Variants in TNRC6C observed in about 807,000 individuals in gnomAD.
TNRC6C encodes trinucleotide repeat containing adaptor 6C, also known as trinucleotide repeat-containing gene 6C protein.
In TNRC6C, 20 loss-of-function variants were observed where a neutral mutation model predicts 153.7. That is an observed-to-expected ratio of 0.13 (90% CI 0.09 to 0.19). The LOEUF is 0.19. TNRC6C is among the 10% of genes least tolerant of loss of function. TNRC6C has a pLI of 1.00. For synonymous variants in TNRC6C, 811 were observed against 841.4 expected (o/e 0.96, Z 0.63); for missense variants, 1,987 against 2,172.0 (o/e 0.91, Z 1.69).
At chr17:78,052,121 AAG>A (rs1419645428) in intron 3 of TNRC6C, among the ~76,000 whole-genome samples, 6 of 152,218 alleles carry the variant, frequency 3.9e-5, no homozygotes, top group Non-Finnish European at 7.3e-5. Flanking sequence ...AGGAGCAGGA[AAG>A]AGCGCTGCAC....
chr17:78,036,921 T>TA (rs879837370), intron 2 of TNRC6C, among the ~76,000 whole-genome samples: 2,808 of 140,346 alleles, frequency 0.02, 82 homozygotes, highest in African/African-American at 0.065. Context: ...AAGATTCCAT[T>TA]AAAAAAAAAA....
At chr17:77,965,484 A>G (rs1007585641) in intron 1 of TNRC6C, among the ~76,000 whole-genome samples, 2 of 152,250 alleles carry the variant, frequency 1.3e-5, no homozygotes, top group South Asian at 2.1e-4. Flanking sequence ...AAATGTGTCT[A>G]GGTCCTTGGA....
At chr17:77,959,534 G>T (rs1340604643) in intron 1 of TNRC6C, among the ~76,000 whole-genome samples, 1 of 152,186 alleles carries the variant, frequency 6.6e-6, no homozygotes, top group African/African-American at 2.4e-5. Context: ...GCTGAAGATG[G>T]ATGTGCCCCC....
chr17:77,957,774 C>G (rs898212925), upstream of TNRC6C, among the ~76,000 whole-genome samples: 1 of 152,236 alleles, frequency 6.6e-6, no homozygotes, highest in Non-Finnish European at 1.5e-5. Flanking sequence ...GCACATTGCG[C>G]CTGACCTTAC....
intron 1 of TNRC6C, among the ~76,000 whole-genome samples, chr17:77,976,108 G>T (rs2070994214): frequency 6.6e-6 from 1 of 152,174 alleles, no homozygotes; most frequent in South Asian, 2.1e-4. Flanking sequence ...AATTAAATGA[G>T]ATAGTATGTA....
At chr17:78,055,299 A>ATCACTGTC in intron 3 of TNRC6C, among the ~76,000 whole-genome samples, 1 of 152,214 alleles carries the variant, frequency 6.6e-6, no homozygotes, top group Non-Finnish European at 1.5e-5. Flanking sequence ...CGGGATCTTC[A>ATCACTGTC]GTATCACTGT....
At chr17:78,002,716 G>A (rs988273896), upstream of TNRC6C, among the ~76,000 whole-genome samples, 1 of 152,096 alleles carries the variant, frequency 6.6e-6, no homozygotes, top group Non-Finnish European at 1.5e-5. Flanking sequence ...AACATAGCAC[G>A]CCATCTCTGT....
intron 14 of TNRC6C, among the ~76,000 whole-genome samples, chr17:78,091,900 AC>A (rs1376556938): frequency 1.3e-5 from 2 of 152,342 alleles, no homozygotes; most frequent in African/African-American, 4.8e-5. Context: ...ATATTCATCA[AC>A]AAAAACTTGA....
At chr17:78,106,713 C>G (rs2073703705) in exon 20 of TNRC6C, 1 of 151,700 alleles carries the variant, frequency 6.6e-6, no homozygotes, top group Admixed American at 6.6e-5. Context: ...TAAAAATGAT[C>G]AATGTTTTGA....
At chr17:78,082,924 G>C in intron 10 of TNRC6C, 123 bp from the exon 13 acceptor site, 1 of 1,117,202 alleles carries the variant, frequency 9.0e-7, no homozygotes, top group Non-Finnish European at 1.3e-6. Context: ...TTCCATAGCA[G>C]TAGTTTCAGG....
At chr17:77,968,108 C>T (rs2144048396) in intron 1 of TNRC6C, among the ~76,000 whole-genome samples, 1 of 152,342 alleles carries the variant, frequency 6.6e-6, no homozygotes, top group East Asian at 1.9e-4. Flanking sequence ...GTCTCAGCTA[C>T]TGCAACCTCT....
chr17:78,093,146 G>A, intron 15 of TNRC6C, 22 bp downstream of exon 17: 1 of 1,609,236 alleles, frequency 6.2e-7, no homozygotes, highest in South Asian at 1.1e-5. Flanking sequence ...CAACACTTCT[G>A]TGCAACAGCA....
upstream of TNRC6C, among the ~76,000 whole-genome samples, chr17:77,958,646 G>T (rs1412371793): frequency 6.6e-6 from 1 of 152,048 alleles, no homozygotes; most frequent in Non-Finnish European, 1.5e-5. Context: ...AACGCGGGGC[G>T]GGGAAGGGGG....
chr17:78,086,408 C>G, intron 11 of TNRC6C, 95 bp from the exon 14 acceptor site: 18 of 854,134 alleles, frequency 2.1e-5, no homozygotes, highest in East Asian at 1.0e-4. Context: ...GCTAGGTTCT[C>G]TTTTTTTATT....
chr17:78,020,773 G>A (rs9905805), intron 1 of TNRC6C, among the ~76,000 whole-genome samples: 9,706 of 152,060 alleles, frequency 0.064, 784 homozygotes, highest in African/African-American at 0.19. Flanking sequence ...TTTTTTTGGT[G>A]CTAAGTCTTT....
intron 1 of TNRC6C, among the ~76,000 whole-genome samples, chr17:77,988,300 GC>G (rs1352347817): frequency 6.6e-6 from 1 of 152,150 alleles, no homozygotes; most frequent in Non-Finnish European, 1.5e-5. Flanking sequence ...AGTCACTTGA[GC>G]CCAGGAGGTC....
chr17:78,009,066 G>A (rs2071574356), intron 1 of TNRC6C, among the ~76,000 whole-genome samples: 2 of 152,078 alleles, frequency 1.3e-5, no homozygotes, highest in Non-Finnish European at 1.5e-5. Flanking sequence ...AGAGACAGCC[G>A]AACACAATTA....
intron 3 of TNRC6C, among the ~76,000 whole-genome samples, chr17:78,057,079 G>A (rs28607457): frequency 0.22 from 34,111 of 152,032 alleles, 4,004 homozygotes; most frequent in African/African-American, 0.27. Flanking sequence ...AATTAAAAGA[G>A]ACAAATAAAA....
rs574629575 is a variant in TNRC6C, at chr17:78,020,169, T to C, written c.-545-11347T>C. On this transcript the variant is annotated intron_variant, in intron 1 of 19. Transcript: ENST00000301624. ...CGCATTCCTCTGTCTGTTGCTTTGC[T>C]GAGTGAGGCTTCTCTTCCCTTTTCT... 2.6e-5 allele frequency among the ~76,000 whole-genome samples: 4 copies of C among 152,336 alleles called. No individual in the cohort carries two copies. The South Asian group carries it at 6.2e-4, about 24-fold the overall frequency.
Sources: gnomAD v4.1 joint callset for allele counts (sites outside exome capture counted in the v4.1 genomes callset) on GRCh38, gnomAD v4.1.1 for gene constraint, MANE v1.5 for transcripts, NCBI Gene and HGNC (gene_info 2026-07-23, HGNC 2026-07-21) for gene names.